PRKAR2B: variants seen among roughly 807,000 people sequenced by gnomAD.
PRKAR2B encodes the protein protein kinase cAMP-dependent type II regulatory subunit beta, also known as cAMP-dependent protein kinase type II-beta regulatory subunit.
PRKAR2B carries 14 observed loss-of-function variants against 49.9 expected under a neutral mutation model. The observed-to-expected ratio is 0.28, with a 90% CI of 0.19 to 0.44. The LOEUF is 0.44. PRKAR2B is among the 20% of genes least tolerant of loss of function. The pLI is 1.00. For synonymous variants in PRKAR2B, 196 were observed against 197.7 expected (o/e 0.99, Z 0.07); for missense variants, 393 against 537.9 (o/e 0.73, Z 2.67).
chr7:107,143,111 A>G (rs545479620), intron 5 of PRKAR2B, among the ~76,000 whole-genome samples: 1 of 152,302 alleles, frequency 6.6e-6, no homozygotes, highest in African/African-American at 2.4e-5. Context: ...TTTCAACTGG[A>G]CTGATAGCTC....
intron 2 of PRKAR2B, among the ~76,000 whole-genome samples, chr7:107,100,900 GA>G (rs1454461851): frequency 6.8e-6 from 1 of 147,834 alleles, no homozygotes; most frequent in African/African-American, 2.5e-5. Context: ...GATTAAACCT[GA>G]TTTCCTTTAG....
rs1479493594 is a variant in PRKAR2B at position 107,159,436 on chromosome 7, T to C, written c.1124-13T>C. The C allele has an allele frequency of 1.2e-6, 2 of 1,611,154 alleles. No homozygotes were observed. Among genetic ancestry groups the C allele is most frequent in the Admixed American group, 3.4e-5 (2 of 59,392 alleles). On this transcript the variant is annotated splice_polypyrimidine_tract_variant and intron_variant, in intron 10 of 10. Coordinates refer to ENST00000265717, the MANE Select transcript of PRKAR2B (RefSeq NM_002736.3). ...AAGAATGTTATTTAAAAAAAAATCT[T>C]CTCTTTTCTCAGCAATGGATGTGCA...
chr7:107,147,995 G>T (rs1246506966), intron 6 of PRKAR2B, among the ~76,000 whole-genome samples: 5 of 152,100 alleles, frequency 3.3e-5, no homozygotes, highest in Admixed American at 3.3e-4. Context: ...TCTTTTAATT[G>T]GAACCAGTTA....
intron 2 of PRKAR2B, chr7:107,082,109 A>G (rs1794526023): frequency 6.6e-6 from 1 of 152,204 alleles, no homozygotes. Flanking sequence ...AATGGAAAAC[A>G]GGTTTGCCTT....
At chr7:107,103,407 A>G (rs1323992125) in intron 2 of PRKAR2B, among the ~76,000 whole-genome samples, 5 of 152,186 alleles carry the variant, frequency 3.3e-5, no homozygotes, top group Non-Finnish European at 7.4e-5. Flanking sequence ...TTTTGCTGCA[A>G]GAGGAAACTG....
chr7:107,079,395 A>G (rs1255483434), intron 2 of PRKAR2B: 1 of 152,114 alleles, frequency 6.6e-6, no homozygotes, highest in Non-Finnish European at 1.5e-5. Flanking sequence ...TTCTCACAAA[A>G]AGCTTTTATA....
intron 2 of PRKAR2B, among the ~76,000 whole-genome samples, chr7:107,072,037 C>T (rs2116775040): frequency 6.6e-6 from 1 of 150,456 alleles, no homozygotes; most frequent in African/African-American, 2.4e-5. Context: ...CCACTGCACT[C>T]CAGCCTGGGT....
chr7:107,092,442 G>A (rs1794748522), intron 2 of PRKAR2B, among the ~76,000 whole-genome samples: 1 of 151,964 alleles, frequency 6.6e-6, no homozygotes, highest in Non-Finnish European at 1.5e-5. Context: ...GTCTTTCAGG[G>A]GATAGCGGTG....
At chr7:107,112,639 G>C (rs12667954) in intron 2 of PRKAR2B, among the ~76,000 whole-genome samples, 60,097 of 151,594 alleles carry the variant, frequency 0.4, 14,602 homozygotes, top group Non-Finnish European at 0.51. Context: ...AAAATAACGC[G>C]TGAAAAAAAG....
chr7:107,124,849 A>AT (rs1378326239), intron 3 of PRKAR2B, among the ~76,000 whole-genome samples: 3 of 151,206 alleles, frequency 2.0e-5, no homozygotes, highest in African/African-American at 4.9e-5. Flanking sequence ...TTTTTGGTAA[A>AT]TTTTTTTTTA....
At chr7:107,095,179 C>T (rs1794812189) in intron 2 of PRKAR2B, among the ~76,000 whole-genome samples, 2 of 152,130 alleles carry the variant, frequency 1.3e-5, no homozygotes, top group Admixed American at 6.6e-5. Flanking sequence ...TCTTTTATTT[C>T]GTTGAGCAGT....
At chr7:107,140,807 G>T (rs368838466) in intron 4 of PRKAR2B, 40 bp from the exon 5 acceptor site, 204 of 1,442,760 alleles carry the variant, frequency 1.4e-4, no homozygotes, top group Non-Finnish European at 2.8e-5. Flanking sequence ...ACATGTTCTA[G>T]ATAAACATAA....
intron 4 of PRKAR2B, among the ~76,000 whole-genome samples, chr7:107,136,550 T>C (rs187624570): frequency 2.0e-5 from 3 of 152,290 alleles, no homozygotes; most frequent in Admixed American, 2.0e-4. Flanking sequence ...CACAAGCATA[T>C]GAAAAGATGC....
intron 2 of PRKAR2B, among the ~76,000 whole-genome samples, chr7:107,113,123 C>T (rs1795205616): frequency 6.6e-6 from 1 of 152,156 alleles, no homozygotes; most frequent in African/African-American, 2.4e-5. Flanking sequence ...GTATGCTAGG[C>T]AGCATTCATC....
At chr7:107,144,032 A>G (rs1795839187) in intron 5 of PRKAR2B, among the ~76,000 whole-genome samples, 1 of 151,864 alleles carries the variant, frequency 6.6e-6, no homozygotes, top group Admixed American at 6.6e-5. Flanking sequence ...TCCGTGAATG[A>G]CATTGAAAAC....
At chr7:107,152,501 T>G (rs933749334) in intron 7 of PRKAR2B, among the ~76,000 whole-genome samples, 4 of 152,326 alleles carry the variant, frequency 2.6e-5, no homozygotes, top group South Asian at 4.1e-4. Flanking sequence ...TAGAGACTTA[T>G]GAGAGAGAGT....
intron 2 of PRKAR2B, among the ~76,000 whole-genome samples, chr7:107,074,435 T>G (rs1794352167): frequency 6.6e-6 from 1 of 152,094 alleles, no homozygotes; most frequent in Non-Finnish European, 1.5e-5. Context: ...GGGCTTTTTG[T>G]TTTTTGGAAG....
At chr7:107,140,398 A>G (rs1396107383) in intron 4 of PRKAR2B, among the ~76,000 whole-genome samples, 1 of 152,190 alleles carries the variant, frequency 6.6e-6, no homozygotes, top group African/African-American at 2.4e-5. Flanking sequence ...GAAGATTGGA[A>G]TCAGGATCTA....
intron 2 of PRKAR2B, among the ~76,000 whole-genome samples, chr7:107,118,908 TG>T (rs1249842385): frequency 1.3e-5 from 2 of 152,176 alleles, no homozygotes; most frequent in African/African-American, 4.8e-5. Flanking sequence ...TGAATTCTAA[TG>T]TAGTGAAACA....
Sources: gnomAD v4.1 joint callset for allele counts (sites outside exome capture counted in the v4.1 genomes callset) on GRCh38, gnomAD v4.1.1 for gene constraint, MANE v1.5 for transcripts, NCBI Gene and HGNC (gene_info 2026-07-23, HGNC 2026-07-21) for gene names.